NUTM2G: variants seen among roughly 807,000 people sequenced by gnomAD.
The protein encoded by NUTM2G is family with sequence similarity 22, member G.
In NUTM2G, 29 loss-of-function variants were observed where a neutral mutation model predicts 44.3. The observed-to-expected ratio is 0.66, with a 90% CI of 0.49 to 0.89. The LOEUF (loss-of-function observed/expected upper bound fraction) is 0.89. Ranked by LOEUF, NUTM2G falls within the 40% of genes least tolerant of loss-of-function variation. The pLI is 0.00. For synonymous variants in NUTM2G, 205 were observed against 395.9 expected (o/e 0.52, Z 5.72); for missense variants, 502 against 946.5 (o/e 0.53, Z 6.16).
rs761241199 is a variant in NUTM2G, at chr9:96,937,209, C to G, written c.1128C>G (p.Pro376=). The stretch of plus-strand genomic sequence containing the variant: ...AGACCAAGGTCCCTGAGGAGATCCC[C>G]CCTGAAGTGGTGCAGGAGTATGTGG... ...PAETKVPEEI[P]PEVVQEYVDI... Residue 376 remains proline, a synonymous_variant, in exon 5 of 7, where the codon CCC becomes CCG. Coordinates refer to ENST00000372322, the MANE Select transcript of NUTM2G (RefSeq NM_001170741.3). The G allele has an allele frequency of 6.2e-7, 1 of 1,612,972 alleles. No individual in the cohort carries two copies. Among genetic ancestry groups the G allele is most frequent in the East Asian group, 2.2e-5 (1 of 44,886 alleles).
In NUTM2G at chr9:96,936,551, G is replaced by C. The variant is rs1364730381; in HGVS notation, c.969G>C (p.Val323=). The part of the protein sequence containing the change: ...LEPRGPPAPE[V]VKQPVYLPSK... ...CTCGAGGACCCCCTGCCCCTGAGGT[G>C]GTCAAGCAGCCAGGTACAGCTTCCC... is the stretch of plus-strand genomic sequence containing the variant. Residue 323 remains valine, a synonymous_variant, in exon 4 of 7, where the codon GTG becomes GTC. Transcript: ENST00000372322. 7.7e-6 allele frequency: 12 copies of C among 1,554,044 alleles called. No individual in the cohort carries two copies. The Admixed American group carries it at 2.3e-4, about 29-fold the overall frequency.
intron 5 of NUTM2G, 100 bp downstream of exon 5, chr9:96,937,504 G>T (rs1826473878): frequency 1.9e-6 from 2 of 1,034,386 alleles, no homozygotes; most frequent in South Asian, 1.6e-5. Context: ...AGTAGTATGT[G>T]TATTTCCATG....
At chr9:96,937,669 T>C (rs556336763) in intron 5 of NUTM2G, among the ~76,000 whole-genome samples, 9 of 151,380 alleles carry the variant, frequency 5.9e-5, no homozygotes, top group African/African-American at 2.2e-4. Flanking sequence ...GTGTTGTACA[T>C]GGGTCTGTGT....
rs1826515169 is a variant in NUTM2G at position 96,938,459 on chromosome 9, G to A, written c.1536G>A (p.Glu512=). 6.4e-7 allele frequency: 1 copy of A among 1,559,736 alleles called. No individual in the cohort carries two copies. The highest frequency in any genetic ancestry group is 8.7e-7 in the Non-Finnish European group (1 of 1,151,836). ...GTARLDSSPS[E]FAAGQEAARE... ...CCAGGTTGGACTCAAGTCCTTCTGA[G>A]TTTGCAGCTGGCCAAGAAGCAGCGA... Residue 512 remains glutamate (E), a synonymous_variant, in exon 7 of 7, where the codon GAG becomes GAA. Transcript: ENST00000372322.
At chr9:96,933,324 C>G (rs1826330194) in intron 2 of NUTM2G, among the ~76,000 whole-genome samples, 1 of 151,548 alleles carries the variant, frequency 6.6e-6, no homozygotes, top group Non-Finnish European at 1.5e-5. Context: ...AGACCCAGGT[C>G]AGAGAGGGTT....
At chr9:96,932,978 CTTTTTTTTTTTTT>C (rs573653882) in intron 2 of NUTM2G, among the ~76,000 whole-genome samples, 2 of 129,430 alleles carry the variant, frequency 1.5e-5, no homozygotes, top group African/African-American at 5.7e-5. Context: ...CTTTTCTTTT[CTTTTTTTTTTTTT>C]TTTTGAGATG....
At chr9:96,940,883 C>T (rs1173098750), downstream of NUTM2G, among the ~76,000 whole-genome samples, 13 of 152,364 alleles carry the variant, frequency 8.5e-5, no homozygotes, top group African/African-American at 2.2e-4. Flanking sequence ...GCCTGCCACC[C>T]GCTTTCGCCT....
In NUTM2G at chr9:96,936,372, G is replaced by C. The variant is rs528049970; in HGVS notation, c.843-53G>C. On this transcript the variant is annotated intron_variant, in intron 3 of 6. Transcript: ENST00000372322. The stretch of plus-strand genomic sequence containing the variant: ...TGCCCTCGGCTGCTGCCTGGTCCTG[G>C]GGGGAGGGGGCCTGGACCCTCTCAG... The C allele has an allele frequency of 3.6e-5, 55 of 1,545,120 alleles. No individual in the cohort carries two copies. In the East Asian group the frequency reaches 5.7e-4, roughly 16 times the overall value.
chr9:96,929,698 C>G (rs1826177595), intron 1 of NUTM2G, among the ~76,000 whole-genome samples: 1 of 151,370 alleles, frequency 6.6e-6, no homozygotes. Flanking sequence ...TCAGGCAACA[C>G]AGGGCCTGGG....
intron 2 of NUTM2G, among the ~76,000 whole-genome samples, chr9:96,933,006 C>T (rs1361124404): frequency 7.3e-6 from 1 of 136,696 alleles, no homozygotes; most frequent in African/African-American, 2.8e-5. Context: ...GAGATGGAGT[C>T]TCACTCTGTC....
At position 96,937,263 on chromosome 9, in the gene NUTM2G, C is replaced by A; in HGVS notation, c.1182C>A (p.His394Gln). ...VDIMEELLGS[H>Q]PGDTGEPEGQ... ...TCATGGAGGAGCTGCTGGGGTCTCACCCTGGGGACACAGGGGAGCCTGAGG... is the reference window on the plus strand; with the variant it reads ...TCATGGAGGAGCTGCTGGGGTCTCAACCTGGGGACACAGGGGAGCCTGAGG... Residue 394 changes from histidine to glutamine, a missense_variant, in exon 5 of 7, where the codon CAC becomes CAA. His to Gln is a conservative substitution (Grantham distance 24, BLOSUM62 0). Coordinates refer to ENST00000372322, the MANE Select transcript of NUTM2G (RefSeq NM_001170741.3). 6.2e-7 allele frequency: 1 copy of A among 1,613,590 alleles called. No individual in the cohort carries two copies. Among genetic ancestry groups the A allele is most frequent in the South Asian group, 1.1e-5 (1 of 91,044 alleles).
downstream of NUTM2G, among the ~76,000 whole-genome samples, chr9:96,940,822 AC>A (rs1288126049): frequency 6.6e-6 from 1 of 152,270 alleles, no homozygotes; most frequent in Non-Finnish European, 1.5e-5. Context: ...AGTCAGCCAG[AC>A]AGATGCCTCT....
chr9:96,940,215 G>A (rs1826560896), downstream of NUTM2G: 1 of 150,140 alleles, frequency 6.7e-6, no homozygotes, highest in Non-Finnish European at 1.5e-5. Flanking sequence ...GAGGGGCCGA[G>A]GGTCAGTCGC....
At chr9:96,933,047 G>A (rs1453372538) in intron 2 of NUTM2G, among the ~76,000 whole-genome samples, 4 of 146,834 alleles carry the variant, frequency 2.7e-5, no homozygotes, top group East Asian at 2.0e-4. Flanking sequence ...GCGTGATCTC[G>A]GCTCACTGCA....
Position 96,931,831 on chromosome 9 carries a change from C to G in NUTM2G, c.126C>G (p.Pro42=), listed in dbSNP as rs1319976770. The change falls in exon 2 of 7, where the codon CCC becomes CCG. Residue 42 remains proline, a synonymous_variant. Transcript: ENST00000372322. ...CTCCCGGCCCAACACACAGGCCGCC[C>G]CTCGTGACTGCAGTGGTTCCTCCAG... is the stretch of plus-strand genomic sequence containing the variant. ...TPSPGPTHRP[P]LVTAVVPPAG... is the part of the protein sequence containing the mutation. 4 of 1,612,350 alleles carry G rather than the reference C, an allele frequency of 2.5e-6. No homozygotes were observed. Among genetic ancestry groups the G allele is most frequent in the East Asian group, 2.2e-5 (1 of 44,874 alleles).
chr9:96,933,017 G>A (rs372537135), intron 2 of NUTM2G, among the ~76,000 whole-genome samples: 84 of 137,126 alleles, frequency 6.1e-4, no homozygotes, highest in South Asian at 5.3e-3. Flanking sequence ...TCACTCTGTC[G>A]CCCAGGGTGG....
Position 96,930,872 on chromosome 9 carries a change from G to T in NUTM2G, c.17-850G>T, listed in dbSNP as rs866187604. Among the ~76,000 whole-genome samples the T allele has an allele frequency of 8.9e-3, 645 of 72,718 alleles. 5 individuals are homozygous for T. Among genetic ancestry groups the T allele is most frequent in the African/African-American group, 0.027 (479 of 17,564 alleles). 47.7% of individuals were successfully genotyped at this position (72,718 alleles called of 152,430 possible). On this transcript the variant is annotated intron_variant, in intron 1 of 6. Coordinates refer to ENST00000372322, the MANE Select transcript of NUTM2G (RefSeq NM_001170741.3). ...GGCTTGGGCGAGTTTCCATCCAGTG[G>T]TTTTTTTTTTTTTTTTTTTTTTTTT...
At chr9:96,930,878 T>TTTTTG (rs1826221281) in intron 1 of NUTM2G, among the ~76,000 whole-genome samples, 3 of 58,798 alleles carry the variant, frequency 5.1e-5, no homozygotes, top group African/African-American at 3.5e-4. Context: ...AGTGGTTTTT[T>TTTTTG]TTTTTTTTTT....
Position 96,936,455 on chromosome 9 carries a change from G to A in NUTM2G, c.873G>A (p.Met291Ile), listed in dbSNP as rs770764778. 131 of 1,576,760 alleles carry A rather than the reference G, an allele frequency of 8.3e-5. No homozygotes were observed. In the East Asian group the frequency reaches 1.6e-3, roughly 19 times the overall value. The change falls in exon 4 of 7, where the codon ATG (methionine) becomes ATA (isoleucine). Residue 291 changes from methionine to isoleucine, a missense_variant. Transcript: ENST00000372322. ...KFLEFEAEEE[M>I]QIQKSQWMKG... ...TGGAGTTTGAGGCTGAGGAGGAGAT[G>A]CAGATTCAGAAATCGCAGTGGATGA...
Sources: allele counts gnomAD v4.1 joint callset (sites outside exome capture counted in the v4.1 genomes callset), GRCh38; gene constraint gnomAD v4.1.1; transcripts MANE v1.5; gene names NCBI Gene and HGNC (gene_info 2026-07-23, HGNC 2026-07-21).